The following KLHL4 variants were observed in gnomAD, a reference collection of about 807,000 sequenced individuals.
KLHL4 encodes the protein kelch like family member 4.
Under a neutral mutation model 45.8 loss-of-function variants are expected in KLHL4, and 17 were observed. The observed-to-expected ratio is 0.37, with a 90% CI of 0.25 to 0.56. KLHL4 has a LOEUF of 0.56. KLHL4 is among the 20% of genes least tolerant of loss of function. The pLI is 0.79. For missense variants in KLHL4, 544 were observed against 544.9 expected (o/e 1.00, Z 0.02); for synonymous variants, 224 against 189.9 (o/e 1.18, Z -1.47).
At chrX:87,605,786 T>A (rs1188974763) in intron 1 of KLHL4, among the ~76,000 whole-genome samples, 2 of 111,568 alleles carry the variant, frequency 1.8e-5, no homozygotes, top group African/African-American at 6.5e-5. Context: ...ACAGTGGTCA[T>A]CTATGTCCTA....
At chrX:87,621,682 T>C (rs1215819322) in intron 4 of KLHL4, among the ~76,000 whole-genome samples, 4 of 111,768 alleles carry the variant, frequency 3.6e-5, no homozygotes, top group Non-Finnish European at 7.5e-5. Flanking sequence ...TCTTGGTCAA[T>C]AGAAGATCAT....
intron 1 of KLHL4, among the ~76,000 whole-genome samples, chrX:87,593,829 G>A (rs751829756): frequency 2.1e-4 from 23 of 111,231 alleles, no homozygotes; most frequent in Admixed American, 1.9e-3. Context: ...ATAAATGTGG[G>A]CTACGATCTT....
At chrX:87,651,153 C>T (rs1302596751) in intron 9 of KLHL4, among the ~76,000 whole-genome samples, 2 of 111,659 alleles carry the variant, frequency 1.8e-5, no homozygotes, top group Non-Finnish European at 3.8e-5. Context: ...ATGGCTTTTG[C>T]AAACAATATC....
chrX:87,614,678 T>C (rs962625987), intron 3 of KLHL4, 108 bp downstream of exon 3: 6 of 671,598 alleles, frequency 8.9e-6, no homozygotes, highest in Non-Finnish European at 1.1e-5. Context: ...CTATTCTTCA[T>C]AGTAGTAATA....
chrX:87,612,798 C>G lies in KLHL4; in HGVS notation c.423-1079C>G, dbSNP rs780393572. Among the ~76,000 whole-genome samples the G allele has an allele frequency of 2.7e-5, 3 of 111,359 alleles. No individual in the cohort carries two copies. The South Asian group carries it at 1.1e-3, about 43-fold the overall frequency. On this transcript the variant is annotated intron_variant, in intron 1 of 10. Coordinates refer to ENST00000373119, the MANE Select transcript of KLHL4 (RefSeq NM_019117.5). ...AGCTAATTCGACATTGAATGTTTGA[C>G]TCAATTAATGTGAACTGAATCATTA...
At chrX:87,647,211 G>C (rs1480621064) in intron 9 of KLHL4, among the ~76,000 whole-genome samples, 4 of 111,750 alleles carry the variant, frequency 3.6e-5, no homozygotes. Flanking sequence ...TGCAAGAATG[G>C]CCATAATCAA....
At chrX:87,611,690 A>G (rs1421856259) in intron 1 of KLHL4, among the ~76,000 whole-genome samples, 1 of 110,702 alleles carries the variant, frequency 9.0e-6, no homozygotes, top group Non-Finnish European at 1.9e-5. Context: ...ATACTATACT[A>G]TACTATTTTT....
intron 9 of KLHL4, among the ~76,000 whole-genome samples, chrX:87,637,472 C>T (rs1301352101): frequency 9.0e-6 from 1 of 111,292 alleles, no homozygotes; most frequent in Admixed American, 9.6e-5. Context: ...GCAATGGATC[C>T]AAACCAAGAT....
intron 9 of KLHL4, among the ~76,000 whole-genome samples, chrX:87,656,462 G>T (rs1314695414): frequency 9.3e-6 from 1 of 107,947 alleles, no homozygotes; most frequent in Non-Finnish European, 1.9e-5. Flanking sequence ...CTTCTGCTTG[G>T]TCTAGTCTAT....
intron 1 of KLHL4, among the ~76,000 whole-genome samples, chrX:87,533,335 A>G (rs1383150082): frequency 2.1e-5 from 2 of 97,336 alleles, no homozygotes; most frequent in African/African-American, 7.6e-5. Context: ...CTGGATTAAG[A>G]AAATGTGGCA....
intron 9 of KLHL4, among the ~76,000 whole-genome samples, chrX:87,638,691 G>A (rs1651921886): frequency 1.8e-5 from 2 of 111,522 alleles, no homozygotes; most frequent in African/African-American, 6.5e-5. Flanking sequence ...GCTAAAAGGA[G>A]CTCTAAATCA....
In KLHL4 at chrX:87,667,613, A is replaced by G; in HGVS notation, c.*1079A>G. 1.7e-6 allele frequency: 1 copy of G among 600,711 alleles called. No individual in the cohort carries two copies. The highest frequency in any genetic ancestry group is 2.0e-6 in the Non-Finnish European group (1 of 499,875). The allele number at this position is 600,711 out of a possible 1,213,427, so 49.5% of individuals were successfully genotyped here. A position where few individuals can be genotyped will look rare whatever the true frequency, so the allele number is the denominator to read the frequency against. On this transcript the variant is annotated 3_prime_UTR_variant, in exon 11 of 11. Coordinates refer to ENST00000373119, the MANE Select transcript of KLHL4 (RefSeq NM_019117.5). The stretch of plus-strand genomic sequence containing the variant: ...ATATAAAAAAAAAAAAAGACTTGTT[A>G]AGTTTTAAAATAACAAAAATGGCTA...
intron 1 of KLHL4, among the ~76,000 whole-genome samples, chrX:87,568,508 T>C (rs1932268954): frequency 9.4e-6 from 1 of 106,410 alleles, no homozygotes; most frequent in African/African-American, 3.4e-5. Flanking sequence ...GTTCAAGGAC[T>C]AATAGGTTCT....
intron 1 of KLHL4, among the ~76,000 whole-genome samples, chrX:87,568,345 G>A (rs1410843047): frequency 9.6e-6 from 1 of 104,566 alleles, no homozygotes; most frequent in Non-Finnish European, 1.9e-5. Context: ...CAATGCAATC[G>A]CTATCAAAAT....
In KLHL4 at chrX:87,546,237, T is replaced by C. The variant is rs775403777; in HGVS notation, c.422+27922T>C. Among the ~76,000 whole-genome samples, 165 of 111,107 alleles carry C rather than the reference T, an allele frequency of 1.5e-3. 1 individual carries two copies. The highest frequency in any genetic ancestry group is 4.7e-3 in the Middle Eastern group (1 of 214). ...CAGAGGCATATGAGGAAAAAATTGT[T>C]TCATGGACTGGGCACAGTGTCTTGC... On this transcript the variant is annotated intron_variant, in intron 1 of 10. Coordinates refer to ENST00000373119, the MANE Select transcript of KLHL4 (RefSeq NM_019117.5).
At chrX:87,528,943 G>C (rs11798407) in intron 1 of KLHL4, among the ~76,000 whole-genome samples, 26,120 of 108,742 alleles carry the variant, frequency 0.24, 2,458 homozygotes, top group Non-Finnish European at 0.29. Flanking sequence ...AATTCTAAAA[G>C]CTACAAAAGG....
In KLHL4 at chrX:87,668,611, G is replaced by C. The variant is rs1295730533; in HGVS notation, c.*2077G>C. 3.6e-6 allele frequency: 1 copy of C among 275,704 alleles called. No homozygotes were observed. Among genetic ancestry groups the C allele is most frequent in the African/African-American group, 3.0e-5 (1 of 33,617 alleles). 22.7% of individuals were successfully genotyped at this position (275,704 alleles called of 1,213,427 possible). A position where few individuals can be genotyped will look rare whatever the true frequency, so the allele number is the denominator to read the frequency against. ...GGCAGGGCCCTTAAGAGGTGATTGG[G>C]CCATGAGGTCTGTGCCCTCCTGAAT... On this transcript the variant is annotated 3_prime_UTR_variant, in exon 11 of 11. Coordinates refer to ENST00000373119, the MANE Select transcript of KLHL4 (RefSeq NM_019117.5).
chrX:87,541,521 A>T (rs1212991402), intron 1 of KLHL4, among the ~76,000 whole-genome samples: 1 of 102,294 alleles, frequency 9.8e-6, no homozygotes, highest in Non-Finnish European at 2.0e-5. Context: ...AAAAGGTGGC[A>T]GTTTCCTCTG....
intron 1 of KLHL4, among the ~76,000 whole-genome samples, chrX:87,578,335 T>G (rs1272819940): frequency 8.9e-6 from 1 of 111,954 alleles, no homozygotes; most frequent in Non-Finnish European, 1.9e-5. Context: ...TATATTCTAA[T>G]AGACTAATTA....
Sources: allele counts gnomAD v4.1 joint callset (sites outside exome capture counted in the v4.1 genomes callset), GRCh38; gene constraint gnomAD v4.1.1; transcripts MANE v1.5; gene names NCBI Gene and HGNC (gene_info 2026-07-23, HGNC 2026-07-21).